RHOT1: variants seen among roughly 807,000 people sequenced by gnomAD.
RHOT1 encodes the protein ras homolog family member T1, also known as mitochondrial Rho GTPase 1.
Under a neutral mutation model 95.3 loss-of-function variants are expected in RHOT1, and 27 were observed. The ratio of observed to expected loss-of-function variants is 0.28; its 90% CI spans 0.21 to 0.39. The LOEUF is 0.39. Among genes scored for constraint, RHOT1 ranks in the 10% least tolerant of loss-of-function variants. The pLI is 1.00. For synonymous variants in RHOT1, 227 were observed against 263.5 expected (o/e 0.86, Z 1.34); for missense variants, 578 against 786.7 (o/e 0.73, Z 3.17).
intron 8 of RHOT1, among the ~76,000 whole-genome samples, chr17:32,188,724 G>A (rs2036238582): frequency 6.6e-6 from 1 of 152,194 alleles, no homozygotes. Context: ...AAAAAACTTT[G>A]TAGAAGTTTG....
intron 1 of RHOT1, among the ~76,000 whole-genome samples, chr17:32,145,969 C>T (rs2031263086): frequency 6.6e-6 from 1 of 152,116 alleles, no homozygotes; most frequent in Admixed American, 6.6e-5. Context: ...TGGGTCATGA[C>T]TGCACCCCTG....
At chr17:32,175,275 G>T (rs2142553366) in intron 3 of RHOT1, 44 bp from the exon 4 acceptor site, 1 of 1,563,826 alleles carries the variant, frequency 6.4e-7, no homozygotes, top group East Asian at 2.2e-5. Context: ...TAGTTTTTAT[G>T]AAAGTGTCTG....
intron 18 of RHOT1, among the ~76,000 whole-genome samples, 165 bp from the exon 19 acceptor site, chr17:32,210,951 A>T (rs2038088356): frequency 6.6e-6 from 1 of 152,186 alleles, no homozygotes; most frequent in Admixed American, 6.5e-5. Context: ...TGTTTTTGGT[A>T]AATGTGGAAT....
chr17:32,154,758 G>A (rs192855907), intron 1 of RHOT1, among the ~76,000 whole-genome samples: 2 of 151,916 alleles, frequency 1.3e-5, no homozygotes, highest in African/African-American at 4.8e-5. Context: ...AGCCGGGCAT[G>A]GTGGCACATG....
intron 8 of RHOT1, among the ~76,000 whole-genome samples, chr17:32,188,251 G>A (rs1423070524): frequency 6.6e-6 from 1 of 152,196 alleles, no homozygotes; most frequent in Non-Finnish European, 1.5e-5. Flanking sequence ...AATATTCCAG[G>A]TTCAAATTAC....
At chr17:32,206,153 C>G (rs748657204) in intron 16 of RHOT1, among the ~76,000 whole-genome samples, 1 of 150,778 alleles carries the variant, frequency 6.6e-6, no homozygotes, top group African/African-American at 2.4e-5. Flanking sequence ...GGCCTGCCCC[C>G]ACACATTAGT....
intron 11 of RHOT1, among the ~76,000 whole-genome samples, chr17:32,194,832 T>C (rs964794276): frequency 1.5e-3 from 217 of 149,080 alleles, no homozygotes; most frequent in Non-Finnish European, 2.3e-3. Context: ...TTCTTTCTTT[T>C]TTTTTTTTTT....
At chr17:32,150,480 G>T in intron 1 of RHOT1, 1 of 1,032,822 alleles carries the variant, frequency 9.7e-7, no homozygotes, top group Non-Finnish European at 1.4e-6. Flanking sequence ...ATTCCAGGCT[G>T]TCTGTTAGAC....
At chr17:32,221,915 A>T (rs1251396971) in intron 19 of RHOT1, among the ~76,000 whole-genome samples, 2 of 152,220 alleles carry the variant, frequency 1.3e-5, no homozygotes, top group Non-Finnish European at 2.9e-5. Context: ...AGCCTGGACA[A>T]CATAGTGAGA....
intron 16 of RHOT1, among the ~76,000 whole-genome samples, chr17:32,206,441 CTTTTTTTTTTT>C (rs34176535): frequency 1.0e-4 from 7 of 67,008 alleles, no homozygotes; most frequent in African/African-American, 1.9e-4. Flanking sequence ...TCTATACTTT[CTTTTTTTTTTT>C]TTTTTTTTTT....
At position 32,144,685 on chromosome 17, in the gene RHOT1, C is replaced by CA. The variant is rs1230806240; in HGVS notation, c.37+1962dup. ...GCAATGTAGTGAGATCCTGTCTCTA[C>CA]AAAAAATTTAAATATTAATGGCTGG... is the stretch of plus-strand genomic sequence containing the variant. On this transcript the variant is annotated intron_variant, in intron 1 of 19. Coordinates refer to ENST00000545287, the MANE Select transcript of RHOT1 (RefSeq NM_001033566.3). Among the ~76,000 whole-genome samples, 3 of 151,684 alleles carry CA rather than the reference C, an allele frequency of 2.0e-5. No homozygotes were observed. In the East Asian group the frequency reaches 5.8e-4, roughly 29 times the overall value.
Position 32,142,745 on chromosome 17 carries a change from C to G in RHOT1, c.37+16C>G. The G allele has an allele frequency of 6.6e-7, 1 of 1,504,542 alleles. No homozygotes were observed. The highest frequency in any genetic ancestry group is 8.9e-7 in the Non-Finnish European group (1 of 1,128,018). 93.2% of individuals were successfully genotyped at this position (1,504,542 alleles called of 1,614,324 possible). ...GTGGGAGAACGTGAGTCCGCACCCT[C>G]TGGCCGGCCCCTGAGTCCCTGCCCT... On this transcript the variant is annotated intron_variant, in intron 1 of 19. Coordinates refer to ENST00000545287, the MANE Select transcript of RHOT1 (RefSeq NM_001033566.3).
intron 11 of RHOT1, among the ~76,000 whole-genome samples, chr17:32,195,034 C>T (rs1332922597): frequency 6.6e-6 from 1 of 151,828 alleles, no homozygotes; most frequent in Non-Finnish European, 1.5e-5. Flanking sequence ...ACCGTGTTAA[C>T]CAGAATGGTC....
chr17:32,183,087 CTT>C, intron 7 of RHOT1, 82 bp from the exon 8 acceptor site: 1 of 1,174,164 alleles, frequency 8.5e-7, no homozygotes, highest in Non-Finnish European at 1.2e-6. Context: ...TTCAAGGAAT[CTT>C]TTTTTTGCCT....
intron 1 of RHOT1, among the ~76,000 whole-genome samples, chr17:32,147,211 A>T (rs2031493190): frequency 6.8e-6 from 1 of 146,270 alleles, no homozygotes; most frequent in African/African-American, 2.6e-5. Flanking sequence ...CGCCTGGCTA[A>T]TTTTTGTATT....
At chr17:32,182,086 C>CAT (rs1401454694) in intron 6 of RHOT1, among the ~76,000 whole-genome samples, 1 of 152,212 alleles carries the variant, frequency 6.6e-6, no homozygotes, top group African/African-American at 2.4e-5. Flanking sequence ...AATTACTATA[C>CAT]ATAACTAGCT....
intron 14 of RHOT1, among the ~76,000 whole-genome samples, chr17:32,202,419 A>G (rs1567714329): frequency 6.6e-6 from 1 of 152,234 alleles, no homozygotes; most frequent in Non-Finnish European, 1.5e-5. Context: ...TATCACAGAA[A>G]AAATTAGATG....
chr17:32,165,316 G>A (rs192423260), intron 1 of RHOT1, among the ~76,000 whole-genome samples: 400 of 123,336 alleles, frequency 3.2e-3, no homozygotes, highest in African/African-American at 0.011. Context: ...CAGCCTGGGC[G>A]ACAGAGCAAG....
intron 1 of RHOT1, among the ~76,000 whole-genome samples, chr17:32,146,683 C>G (rs1224334238): frequency 1.4e-5 from 2 of 145,888 alleles, no homozygotes; most frequent in Non-Finnish European, 3.0e-5. Context: ...TGGTCTCGAT[C>G]TCCTGACTTC....
Sources: gnomAD v4.1 joint callset for allele counts (sites outside exome capture counted in the v4.1 genomes callset) on GRCh38, gnomAD v4.1.1 for gene constraint, MANE v1.5 for transcripts, NCBI Gene and HGNC (gene_info 2026-07-23, HGNC 2026-07-21) for gene names.